The following EPB41L4A variants were observed in gnomAD, a reference collection of about 807,000 sequenced individuals.
EPB41L4A encodes the protein band 4.1-like protein 4A.
In EPB41L4A, 100 loss-of-function variants were observed where a neutral mutation model predicts 108.6. That is an observed-to-expected ratio of 0.92 (90% CI 0.78 to 1.09). The LOEUF is 1.09. Ranked by LOEUF, EPB41L4A falls within the 50% of genes least tolerant of loss-of-function variation. The pLI, the probability that EPB41L4A is intolerant of heterozygous loss-of-function variation, is 0.00. For missense variants in EPB41L4A, 1,030 were observed against 842.7 expected (o/e 1.22, Z -2.75); for synonymous variants, 319 against 289.0 (o/e 1.10, Z -1.05).
intron 15 of EPB41L4A, among the ~76,000 whole-genome samples, chr5:112,201,322 T>C (rs1175288513): frequency 6.6e-6 from 1 of 152,176 alleles, no homozygotes; most frequent in African/African-American, 2.4e-5. Flanking sequence ...AATACGCCAA[T>C]GAAAGGATCC....
chr5:112,323,823 T>C (rs1755965789), intron 1 of EPB41L4A, among the ~76,000 whole-genome samples: 1 of 152,226 alleles, frequency 6.6e-6, no homozygotes. Flanking sequence ...AAGGAAACTA[T>C]ATAGTCAAAC....
At chr5:112,201,642 T>A (rs78232716) in intron 15 of EPB41L4A, among the ~76,000 whole-genome samples, 1 of 152,162 alleles carries the variant, frequency 6.6e-6, no homozygotes, top group Non-Finnish European at 1.5e-5. Flanking sequence ...ATATGCTAAA[T>A]TCTAATCATC....
At chr5:112,411,820 T>C (rs148052214) in intron 1 of EPB41L4A, among the ~76,000 whole-genome samples, 25 of 152,236 alleles carry the variant, frequency 1.6e-4, no homozygotes, top group Admixed American at 4.6e-4. Flanking sequence ...AAAAACCAAT[T>C]TCGACAAGTC....
intron 1 of EPB41L4A, among the ~76,000 whole-genome samples, chr5:112,324,171 G>T (rs1373289660): frequency 6.6e-6 from 1 of 152,114 alleles, no homozygotes; most frequent in Non-Finnish European, 1.5e-5. Flanking sequence ...ATTGTTTTAA[G>T]GAGAAGAGAC....
intron 18 of EPB41L4A, among the ~76,000 whole-genome samples, chr5:112,177,002 G>A (rs1760902692): frequency 6.6e-6 from 1 of 152,028 alleles, no homozygotes; most frequent in Non-Finnish European, 1.5e-5. Flanking sequence ...TGATCGGCCT[G>A]CCTTGGCCTC....
chr5:112,236,844 A>G (rs1025666206), intron 11 of EPB41L4A, among the ~76,000 whole-genome samples: 1 of 152,192 alleles, frequency 6.6e-6, no homozygotes, highest in Non-Finnish European at 1.5e-5. Context: ...TCTCATCTAT[A>G]TAAAGGGGGA....
At chr5:112,388,741 G>T (rs1413294122) in intron 1 of EPB41L4A, among the ~76,000 whole-genome samples, 3 of 152,078 alleles carry the variant, frequency 2.0e-5, no homozygotes, top group African/African-American at 7.2e-5. Flanking sequence ...GATAGCTCAG[G>T]GGCTCTTTTT....
At chr5:112,300,521 T>TAATCTGA (rs2150562626) in intron 2 of EPB41L4A, among the ~76,000 whole-genome samples, 1 of 152,342 alleles carries the variant, frequency 6.6e-6, no homozygotes, top group Admixed American at 6.5e-5. Context: ...AATCTGCTGT[T>TAATCTGA]AATCTGATAG....
At chr5:112,201,128 T>A (rs1762199608) in intron 15 of EPB41L4A, among the ~76,000 whole-genome samples, 1 of 152,188 alleles carries the variant, frequency 6.6e-6, no homozygotes, top group African/African-American at 2.4e-5. Flanking sequence ...TTATAGGGCA[T>A]TCATACTGGG....
chr5:112,243,335 G>A (rs1433151500), intron 9 of EPB41L4A, among the ~76,000 whole-genome samples: 1 of 151,592 alleles, frequency 6.6e-6, no homozygotes, highest in Non-Finnish European at 1.5e-5. Context: ...GTAAATAGGT[G>A]TGCTGTCATC....
intron 1 of EPB41L4A, among the ~76,000 whole-genome samples, chr5:112,313,741 C>G (rs994693796): frequency 3.3e-5 from 5 of 151,048 alleles, no homozygotes; most frequent in Non-Finnish European, 7.4e-5. Context: ...GTTTATGCAC[C>G]GAGAAGTGTT....
chr5:112,176,143 A>C (rs565938031), intron 18 of EPB41L4A, among the ~76,000 whole-genome samples: 1 of 152,318 alleles, frequency 6.6e-6, no homozygotes, highest in African/African-American at 2.4e-5. Flanking sequence ...ACACAGGCAC[A>C]ACCTCACTTA....
intron 1 of EPB41L4A, among the ~76,000 whole-genome samples, chr5:112,323,670 T>C (rs1281983079): frequency 6.6e-6 from 1 of 152,212 alleles, no homozygotes; most frequent in Non-Finnish European, 1.5e-5. Context: ...GTCTCATAAA[T>C]TCCCCATCTT....
chr5:112,179,614 T>G (rs746224225), intron 18 of EPB41L4A, among the ~76,000 whole-genome samples: 2 of 152,108 alleles, frequency 1.3e-5, no homozygotes, highest in Non-Finnish European at 2.9e-5. Context: ...ATAACAAAAC[T>G]CAAGACCCAT....
intron 1 of EPB41L4A, among the ~76,000 whole-genome samples, chr5:112,417,127 T>A (rs1043196512): frequency 1.3e-5 from 2 of 152,254 alleles, no homozygotes; most frequent in Non-Finnish European, 2.9e-5. Context: ...ATAGTTGCTG[T>A]TGCCTTTGAA....
intron 12 of EPB41L4A, among the ~76,000 whole-genome samples, chr5:112,223,334 G>T (rs538206289): frequency 6.6e-6 from 1 of 151,902 alleles, no homozygotes. Flanking sequence ...CTTTAACATT[G>T]ATATTAATAA....
intron 1 of EPB41L4A, among the ~76,000 whole-genome samples, chr5:112,329,652 T>C (rs1413738211): frequency 6.6e-6 from 1 of 152,218 alleles, no homozygotes; most frequent in African/African-American, 2.4e-5. Context: ...ACACCCTTTC[T>C]GATTTTATCT....
chr5:112,191,353 G>A lies in EPB41L4A; in HGVS notation c.1502+3215C>T, dbSNP rs564766979. On this transcript the variant is annotated intron_variant, in intron 17 of 22. Coordinates refer to ENST00000261486, the MANE Select transcript of EPB41L4A (RefSeq NM_022140.5). ...CTGGACCCAAAGGGGACAGACAGAT[G>A]GGGTGGTTATTTACAGTTATATTTT... Among the ~76,000 whole-genome samples the A allele has an allele frequency of 5.3e-5, 8 of 152,252 alleles. No individual in the cohort carries two copies. In the South Asian group the frequency reaches 1.7e-3, roughly 32 times the overall value.
chr5:112,158,077 C>A (rs1386041968), downstream of EPB41L4A, among the ~76,000 whole-genome samples: 1 of 152,324 alleles, frequency 6.6e-6, no homozygotes, highest in South Asian at 2.1e-4. Context: ...TAAAACCTAA[C>A]ACTGATCCAG....
Sources: gnomAD v4.1 joint callset for allele counts (sites outside exome capture counted in the v4.1 genomes callset) on GRCh38, gnomAD v4.1.1 for gene constraint, MANE v1.5 for transcripts, NCBI Gene and HGNC (gene_info 2026-07-23, HGNC 2026-07-21) for gene names.